TRIM49D1: variants seen among roughly 807,000 people sequenced by gnomAD.
The protein encoded by TRIM49D1 is tripartite motif-containing protein 49D.
intron 1 of TRIM49D1, among the ~76,000 whole-genome samples, chr11:89,920,960 A>T (rs1440092820): frequency 6.6e-6 from 1 of 151,914 alleles, no homozygotes; most frequent in African/African-American, 2.4e-5. Flanking sequence ...CTGTTCTCCA[A>T]CTCCTGTCTT....
Position 89,921,945 on chromosome 11 carries a change from C to T in TRIM49D1, c.-309G>A, listed in dbSNP as rs74378710. ...CCTACGTGAGTGTTTCATTGAATAA[C>T]AATAAGAAAGTTTGTCTATGCCACA... On this transcript the variant is annotated 5_prime_UTR_variant, in exon 1 of 8. Coordinates refer to ENST00000420869, the MANE Select transcript of TRIM49D1 (RefSeq NM_001384911.1). Among the ~76,000 whole-genome samples the T allele has an allele frequency of 6.6e-6, 1 of 151,950 alleles. No individual in the cohort carries two copies. The highest frequency in any genetic ancestry group is 2.4e-5 in the African/African-American group (1 of 41,300).
rs1302104903 is a variant in TRIM49D1, at chr11:89,921,888, C to G, written c.-252G>C. The G allele has an allele frequency of 1.3e-5, 2 of 152,080 alleles. No individual in the cohort carries two copies. Among genetic ancestry groups the G allele is most frequent in the African/African-American group, 2.4e-5 (1 of 41,366 alleles). 9.4% of individuals were successfully genotyped at this position (152,080 alleles called of 1,614,324 possible). On this transcript the variant is annotated 5_prime_UTR_variant, in exon 1 of 8. Transcript: ENST00000420869. ...TGCTAGTTACAAGAGCAGGACCTTT[C>G]GTTACATCTGCAAAATACCTTCCCA...
Position 89,921,018 on chromosome 11 carries a change from C to T in TRIM49D1, c.-215-509G>A, listed in dbSNP as rs187357231. 1.0e-3 allele frequency among the ~76,000 whole-genome samples: 154 copies of T among 152,198 alleles called. 6 individuals are homozygous for T. The East Asian group carries it at 0.022, about 21-fold the overall frequency. ...CTTCCAAAATGCTTGGGAGTACAGG[C>T]ATAAACCACCTCATCCAGCCTTAAA... On this transcript the variant is annotated intron_variant, in intron 1 of 7. Coordinates refer to ENST00000420869, the MANE Select transcript of TRIM49D1 (RefSeq NM_001384911.1).
rs1256808369 is a variant in TRIM49D1, at chr11:89,922,001, TG to T, written c.-366del. Among the ~76,000 whole-genome samples the T allele has an allele frequency of 6.6e-6, 1 of 152,038 alleles. No homozygotes were observed. The highest frequency in any genetic ancestry group is 1.5e-5 in the Non-Finnish European group (1 of 68,032). On this transcript the variant is annotated 5_prime_UTR_variant, in exon 1 of 8. Coordinates refer to ENST00000420869, the MANE Select transcript of TRIM49D1 (RefSeq NM_001384911.1). ...CAGTTTCATTCTCCTACATGTGGCT[TG>T]CCAATTATCCCAGCACCATTTGTTG... is the stretch of plus-strand genomic sequence containing the variant.
At chr11:89,921,368 T>A (rs4753251) in intron 1 of TRIM49D1, among the ~76,000 whole-genome samples, 98,941 of 151,830 alleles carry the variant, frequency 0.65, 33,258 homozygotes, top group Admixed American at 0.75. Context: ...GATTATATTT[T>A]TCTTTCTATA....
chr11:89,920,222 GA>G (rs1950323724), intron 2 of TRIM49D1, 76 bp downstream of exon 2: 2 of 23,808 alleles, frequency 8.4e-5, no homozygotes, highest in Non-Finnish European at 1.3e-4. Context: ...TTAAGATAAT[GA>G]GATATTTTTA....
intron 1 of TRIM49D1, among the ~76,000 whole-genome samples, chr11:89,920,908 T>G (rs2388210): frequency 2.0e-5 from 3 of 152,000 alleles, no homozygotes; most frequent in Non-Finnish European, 2.9e-5. Flanking sequence ...AATGTTTTTT[T>G]AAAACTTTTC....
intron 1 of TRIM49D1, 55 bp from the exon 2 acceptor site, chr11:89,920,564 CA>C: frequency 3.9e-6 from 1 of 256,260 alleles, no homozygotes; most frequent in Non-Finnish European, 7.4e-6. Flanking sequence ...TAGGTTTATG[CA>C]GTATTTAGAT....
At chr11:89,921,622 C>A (rs1368363752) in intron 1 of TRIM49D1, 1 of 151,948 alleles carries the variant, frequency 6.6e-6, no homozygotes, top group Non-Finnish European at 1.5e-5. Flanking sequence ...GTGCAAGGAA[C>A]CGGTTTCCAC....
At chr11:89,920,733 A>C (rs1950326794) in intron 1 of TRIM49D1, among the ~76,000 whole-genome samples, 2 of 152,012 alleles carry the variant, frequency 1.3e-5, no homozygotes, top group Non-Finnish European at 2.9e-5. Context: ...AGATACAGGC[A>C]TTCCTCTAAG....
Position 89,920,649 on chromosome 11 carries a change from T to C in TRIM49D1, c.-215-140A>G, listed in dbSNP as rs140826354. Among the ~76,000 whole-genome samples, 448 of 152,176 alleles carry C rather than the reference T, an allele frequency of 2.9e-3. 6 individuals are homozygous for C. The highest frequency in any genetic ancestry group is 0.01 in the African/African-American group (418 of 41,480). On this transcript the variant is annotated intron_variant, in intron 1 of 7. Coordinates refer to ENST00000420869, the MANE Select transcript of TRIM49D1 (RefSeq NM_001384911.1). ...TGATTTAAATGAATCATATGTAACA[T>C]AAATCCTATCAGATTTGACATACAC...
Position 89,922,034 on chromosome 11 carries a change from G to T in TRIM49D1, c.-398C>A, listed in dbSNP as rs1413279555. The stretch of plus-strand genomic sequence containing the variant: ...ATCCCAGCACCATTTGTTGAATAGG[G>T]TGTCCTCTCCCCACTTTATGTTTTT... On this transcript the variant is annotated 5_prime_UTR_variant, in exon 1 of 8. Transcript: ENST00000420869. Among the ~76,000 whole-genome samples the T allele has an allele frequency of 2.0e-5, 3 of 151,950 alleles. No individual in the cohort carries two copies. The highest frequency in any genetic ancestry group is 1.9e-4 in the East Asian group (1 of 5,188).
At chr11:89,921,035 A>T (rs1188385997) in intron 1 of TRIM49D1, among the ~76,000 whole-genome samples, 1 of 152,122 alleles carries the variant, frequency 6.6e-6, no homozygotes, top group African/African-American at 2.4e-5. Flanking sequence ...CACCTCATCC[A>T]GCCTTAAATG....
intron 1 of TRIM49D1, 52 bp from the exon 2 acceptor site, chr11:89,920,561 ATGCAGTATTTAGATCGCACCTT>A (rs1304284587): frequency 1.2e-4 from 30 of 247,604 alleles, no homozygotes; most frequent in Non-Finnish European, 1.8e-4. Context: ...GATTAGGTTT[ATGCAGTATTTAGATCGCACCTT>A]TGCACCGCTG....
chr11:89,920,326 A>G lies in TRIM49D1; in HGVS notation c.-32T>C, dbSNP rs1369816530. 6 of 248,750 alleles carry G rather than the reference A, an allele frequency of 2.4e-5. No homozygotes were observed. The highest frequency in any genetic ancestry group is 3.3e-5 in the Non-Finnish European group (5 of 150,786). 15.4% of individuals were successfully genotyped at this position (248,750 alleles called of 1,614,324 possible). A position where few individuals can be genotyped will look rare whatever the true frequency, so the allele number is the denominator to read the frequency against. On this transcript the variant is annotated 5_prime_UTR_variant, in exon 2 of 8. Coordinates refer to ENST00000420869, the MANE Select transcript of TRIM49D1 (RefSeq NM_001384911.1). ...CTGGGTTCTTTGAAGGGTTCCCACA[A>G]TGATTCTTCGAGAAATAATTCTGTT...
chr11:89,920,674 C>G (rs1950326477), intron 1 of TRIM49D1, among the ~76,000 whole-genome samples, 165 bp from the exon 2 acceptor site: 1 of 151,946 alleles, frequency 6.6e-6, no homozygotes, highest in South Asian at 2.1e-4. Context: ...TTGACATACA[C>G]TGGAAATTAA....
chr11:89,921,187 C>T (rs1180326036), intron 1 of TRIM49D1, among the ~76,000 whole-genome samples: 1 of 151,982 alleles, frequency 6.6e-6, no homozygotes, highest in African/African-American at 2.4e-5. Flanking sequence ...ATTTACAAAC[C>T]TTTGCCAATC....
In TRIM49D1 at chr11:89,922,125, T is replaced by A. The variant is rs1016276437; in HGVS notation, c.-489A>T. 1.3e-5 allele frequency among the ~76,000 whole-genome samples: 2 copies of A among 151,988 alleles called. No homozygotes were observed. The highest frequency in any genetic ancestry group is 4.8e-5 in the African/African-American group (2 of 41,300). On this transcript the variant is annotated 5_prime_UTR_variant, in exon 1 of 8. Coordinates refer to ENST00000420869, the MANE Select transcript of TRIM49D1 (RefSeq NM_001384911.1). ...GTTCATTTCTGGGTTCTCTATTCTG[T>A]TCCACTGGTCTATGTGCCTATTTTT... is the stretch of plus-strand genomic sequence containing the variant.
chr11:89,921,429 G>A (rs1440928897), intron 1 of TRIM49D1, among the ~76,000 whole-genome samples: 1 of 151,982 alleles, frequency 6.6e-6, no homozygotes, highest in African/African-American at 2.4e-5. Flanking sequence ...AGAGATTTAA[G>A]AAGCGGCTAC....
Sources: gnomAD v4.1 joint callset for allele counts (sites outside exome capture counted in the v4.1 genomes callset) on GRCh38, gnomAD v4.1.1 for gene constraint, MANE v1.5 for transcripts, NCBI Gene and HGNC (gene_info 2026-07-23, HGNC 2026-07-21) for gene names.